The following TTN variants were observed in gnomAD, a reference collection of about 807,000 sequenced individuals.
The protein encoded by TTN is titin, also known as connectin.
TTN carries 1,525 observed loss-of-function variants against 3,223.0 expected under a neutral mutation model. The observed-to-expected ratio is 0.47, with a 90% CI of 0.45 to 0.49. The LOEUF (loss-of-function observed/expected upper bound fraction) is 0.49, where lower values mean the gene tolerates loss of function less well. TTN is among the 20% of genes least tolerant of loss of function. The pLI is 0.00. For missense variants in TTN, 40,786 were observed against 43,424.0 expected (o/e 0.94, Z 5.40); for synonymous variants, 14,094 against 15,161.0 (o/e 0.93, Z 5.17).
intron 41 of TTN, 59 bp downstream of exon 41, chr2:178,766,322 A>T: frequency 7.4e-7 from 1 of 1,344,140 alleles, no homozygotes; most frequent in Non-Finnish European, 1.1e-6. Context: ...TTAGTGACTT[A>T]AACAGGAGGA....
At chr2:178,690,379 G>T (rs1051239822) in intron 121 of TTN, among the ~76,000 whole-genome samples, 2 of 152,042 alleles carry the variant, frequency 1.3e-5, no homozygotes, top group Non-Finnish European at 2.9e-5. Flanking sequence ...CATTTTTGGG[G>T]GGTGTGCCTG....
chr2:178,730,036 C>T (rs562254227), intron 62 of TTN, 57 bp downstream of exon 62: 50 of 1,593,932 alleles, frequency 3.1e-5, no homozygotes, highest in South Asian at 2.2e-4. Flanking sequence ...CGCCCCGGCC[C>T]ACCCCAGGCA....
rs769659495 is a variant in TTN at position 178,729,066 on chromosome 2, G to A, written c.18972C>T (p.Thr6324=). Residue 6324 remains threonine, a synonymous_variant, in exon 65 of 363, where the codon ACC becomes ACT. Coordinates refer to ENST00000589042, the MANE Select transcript of TTN (RefSeq NM_001267550.2). Reference sequence around the variant, plus strand: ...CAAGAATCTGATCATCCTTTAGCCAGGTTATAGAAATAGGAGGAGAACCTG... The same window carrying A: ...CAAGAATCTGATCATCCTTTAGCCAAGTTATAGAAATAGGAGGAGAACCTG... ...TVAGSPPISI[T]WLKDDQILDE... 1 of 1,612,566 alleles carries A rather than the reference G, an allele frequency of 6.2e-7. No individual in the cohort carries two copies. The highest frequency in any genetic ancestry group is 1.3e-5 in the African/African-American group (1 of 74,880).
intron 79 of TTN, 84 bp downstream of exon 79, chr2:178,720,837 A>G: frequency 3.4e-6 from 5 of 1,461,344 alleles, no homozygotes; most frequent in Non-Finnish European, 4.5e-6. Flanking sequence ...AACCTTAATT[A>G]TCCTTTTATT....
Position 178,533,000 on chromosome 2 carries a change from G to A in TTN, c.103615C>T (p.Pro34539Ser). The change falls in exon 358 of 363, where the codon CCT becomes TCT. Residue 34539 changes from proline to serine, a missense_variant. By Grantham distance (74) the Pro-to-Ser change is moderately conservative (BLOSUM62 -1). Coordinates refer to ENST00000589042, the MANE Select transcript of TTN (RefSeq NM_001267550.2). The stretch of plus-strand genomic sequence containing the variant: ...TTGCGTGGCTCTGGTACATCATAAG[G>A]CATCCGGAGTTTTCTCTCCTCCTTC... Reference protein sequence around the residue: ...EKKEERKLRMPYDVPEPRKYK... With the variant: ...EKKEERKLRMSYDVPEPRKYK... The A allele has an allele frequency of 6.2e-7, 1 of 1,613,854 alleles. No homozygotes were observed. Among genetic ancestry groups the A allele is most frequent in the Non-Finnish European group, 8.5e-7 (1 of 1,179,844 alleles).
Position 178,636,893 on chromosome 2 carries a change from G to A in TTN, c.40928-94C>T, listed in dbSNP as rs1282619747. 7.3e-7 allele frequency: 1 copy of A among 1,377,472 alleles called. No individual in the cohort carries two copies. Among genetic ancestry groups the A allele is most frequent in the African/African-American group, 1.4e-5 (1 of 69,150 alleles). The allele number at this position is 1,377,472 out of a possible 1,614,324, so 85.3% of individuals were successfully genotyped here. On this transcript the variant is annotated intron_variant, in intron 224 of 362. Transcript: ENST00000589042. The surrounding 1 kb of genome is among the most constrained non-coding windows in gnomAD (Gnocchi z 4.3). ...CCTGCTGGATAAAACCAGCCGTAAA[G>A]CAATTAGAAGACGAGAAAACTAAAG...
chr2:178,687,216 G>A (rs534522860), intron 127 of TTN, among the ~76,000 whole-genome samples: 6 of 152,250 alleles, frequency 3.9e-5, no homozygotes, highest in Non-Finnish European at 7.3e-5. Context: ...TGGGGAGAGA[G>A]TTAGTTTGGT....
In TTN at chr2:178,664,488, G is replaced by T. The variant is rs1295183596; in HGVS notation, c.36252C>A (p.Pro12084=). Residue 12084 remains proline (P), a synonymous_variant, in exon 168 of 363, where the codon CCC becomes CCA. Coordinates refer to ENST00000589042, the MANE Select transcript of TTN (RefSeq NM_001267550.2). ...EVVPEKKVHP[P]QRAEVVPVKV... is the part of the protein sequence containing the mutation. ...TGACAGGTACAACTTCAGCCCTTTG[G>T]GGAGGATGCACTTTCTTTTCCGGGA... The T allele has an allele frequency of 6.2e-7, 1 of 1,612,234 alleles. No homozygotes were observed. The highest frequency in any genetic ancestry group is 8.5e-7 in the Non-Finnish European group (1 of 1,179,452).
Position 178,613,829 on chromosome 2 carries a change from T to C in TTN, c.49454A>G (p.Tyr16485Cys), listed in dbSNP as rs1273890104. The C allele has an allele frequency of 6.2e-7, 1 of 1,612,564 alleles. No individual in the cohort carries two copies. Among genetic ancestry groups the C allele is most frequent in the Non-Finnish European group, 8.5e-7 (1 of 1,179,070 alleles). Residue 16485 changes from tyrosine to cysteine, a missense_variant, in exon 263 of 363, where the codon TAC (tyrosine) becomes TGC (cysteine). By Grantham distance (194) the Tyr-to-Cys change is radical. Transcript: ENST00000589042. ...ATCAGGATCCAGTCTTTCAACCCAG[T>C]ATCCTGTGATTGGGCTGCCACCATC... The part of the protein sequence containing the change: ...DDDGGSPITG[Y>C]WVERLDPDTD...
chr2:178,680,200 AGGAATTCAAC>A, intron 139 of TTN, 44 bp downstream of exon 139: 1 of 1,598,900 alleles, frequency 6.3e-7, no homozygotes, highest in Non-Finnish European at 8.5e-7. Context: ...AGAACTGAAG[AGGAATTCAAC>A]AGCAAAAGAC....
In TTN at chr2:178,583,813, A is replaced by G. The variant is rs727503580; in HGVS notation, c.65369T>C (p.Ile21790Thr). 5.6e-6 allele frequency: 9 copies of G among 1,610,044 alleles called. No homozygotes were observed. The African/African-American group carries it at 6.7e-5, about 12-fold the overall frequency. Reference protein sequence around the residue: ...RPKHDGGSKIIGYFVEACKLP... With the variant: ...RPKHDGGSKITGYFVEACKLP... Reference sequence around the variant, plus strand: ...TTTGCAAGCTTCTACGAAATAGCCAATAATTTTACTGCCTCCATCATGCTT... The same window carrying G: ...TTTGCAAGCTTCTACGAAATAGCCAGTAATTTTACTGCCTCCATCATGCTT... The change falls in exon 312 of 363, where the codon ATT becomes ACT. Residue 21790 changes from isoleucine (I) to threonine (T), a missense_variant. Coordinates refer to ENST00000589042, the MANE Select transcript of TTN (RefSeq NM_001267550.2).
rs1473306273 is a variant in TTN at position 178,649,269 on chromosome 2, G to A, written c.40036C>T (p.Pro13346Ser). The A allele has an allele frequency of 1.3e-6, 2 of 1,499,594 alleles. No homozygotes were observed. Among genetic ancestry groups the A allele is most frequent in the Middle Eastern group, 1.7e-4 (1 of 5,788 alleles). 92.9% of individuals were successfully genotyped at this position (1,499,594 alleles called of 1,614,324 possible). A position where few individuals can be genotyped will look rare whatever the true frequency, so the allele number is the denominator to read the frequency against. ...GTACCTTTTTCTGGAAGAACTTCTG[G>A]TTTTTTGGTAACAGGCACAGGTTCT... ...KKEPVPVTKK[P>S]EVLPEKVPKV... is the part of the protein sequence containing the mutation. Residue 13346 changes from proline to serine, a missense_variant, in exon 213 of 363, where the codon CCA becomes TCA. By Grantham distance (74) the Pro-to-Ser change is moderately conservative. Transcript: ENST00000589042.
rs1559116130 is a variant in TTN at position 178,542,830 on chromosome 2, A to G, written c.97024T>C (p.Phe32342Leu). ...GATTCTCTCAGTTTAGAACCAGCAA[A>G]GAACCAGGAAGCAGCAGGAGGTGGA... The part of the protein sequence containing the change: ...GRPPPAASWF[F>L]AGSKLRESER... The change falls in exon 348 of 363, where the codon TTT (phenylalanine) becomes CTT (leucine). Residue 32342 changes from phenylalanine (F) to leucine (L), a missense_variant. By Grantham distance (22) the Phe-to-Leu change is conservative. Coordinates refer to ENST00000589042, the MANE Select transcript of TTN (RefSeq NM_001267550.2). 1.9e-6 allele frequency: 3 copies of G among 1,613,698 alleles called. No homozygotes were observed. Among genetic ancestry groups the G allele is most frequent in the Non-Finnish European group, 2.5e-6 (3 of 1,179,794 alleles).
Position 178,535,000 on chromosome 2 carries a change from T to C in TTN, c.101615A>G (p.His33872Arg). The C allele has an allele frequency of 6.2e-7, 1 of 1,613,864 alleles. No individual in the cohort carries two copies. Among genetic ancestry groups the C allele is most frequent in the Non-Finnish European group, 8.5e-7 (1 of 1,179,854 alleles). ...KEISILNIAR[H>R]RNILHLHESF... ...TTCATGGAGGTGTAAGATGTTTCTA[T>C]GCCTAGCAATATTCAGAATGGAAAT... Residue 33872 changes from histidine to arginine, a missense_variant, in exon 358 of 363, where the codon CAT becomes CGT. His to Arg is a conservative substitution (Grantham distance 29). Transcript: ENST00000589042.
intron 6 of TTN, among the ~76,000 whole-genome samples, chr2:178,797,929 T>C (rs1160986860): frequency 6.6e-6 from 1 of 152,136 alleles, no homozygotes; most frequent in Non-Finnish European, 1.5e-5. Flanking sequence ...CTGTAAATAG[T>C]GAGAGGCAGA....
In TTN at chr2:178,783,670, G is replaced by T. The variant is rs762563816; in HGVS notation, c.2841+50C>A. On this transcript the variant is annotated intron_variant, in intron 17 of 362. Transcript: ENST00000589042. Reference sequence around the variant, plus strand: ...GATCTTTGCAAACGTGTATTAAAATGATTTGAGGAGATATGAATAGGGTCC... The same window carrying T: ...GATCTTTGCAAACGTGTATTAAAATTATTTGAGGAGATATGAATAGGGTCC... The T allele has an allele frequency of 1.6e-5, 23 of 1,440,502 alleles. No homozygotes were observed. In the South Asian group the frequency reaches 2.5e-4, roughly 16 times the overall value. The allele number at this position is 1,440,502 out of a possible 1,614,324, so 89.2% of individuals were successfully genotyped here.
rs1310229986 is a variant in TTN at position 178,790,009 on chromosome 2, T to G, written c.1907A>C (p.Lys636Thr). The change falls in exon 12 of 363, where the codon AAA becomes ACA. Residue 636 changes from lysine to threonine, a missense_variant. Physicochemically the swap from Lys to Thr is moderately conservative, Grantham distance 78 (BLOSUM62 -1). Coordinates refer to ENST00000589042, the MANE Select transcript of TTN (RefSeq NM_001267550.2). ...VSRGREGITT[K>T]REQVQITQEK... ...CTGAGTTATTTGCACTTGTTCTCTT[T>G]TGGTAGTAATGCCTTCTCTACCTCT... 2 of 1,613,124 alleles carry G rather than the reference T, an allele frequency of 1.2e-6. No individual in the cohort carries two copies. Among genetic ancestry groups the G allele is most frequent in the Admixed American group, 3.3e-5 (2 of 60,000 alleles).
In TTN at chr2:178,550,276, A is replaced by G. The variant is rs746861696; in HGVS notation, c.91565-3T>C. On this transcript the variant is annotated splice_polypyrimidine_tract_variant and splice_region_variant and intron_variant, in intron 336 of 362. Coordinates refer to ENST00000589042, the MANE Select transcript of TTN (RefSeq NM_001267550.2). The stretch of plus-strand genomic sequence containing the variant: ...GCCAAACTCTACTATTGGTGGAACT[A>G]TAAAAGAAAGAGAAATACTATGTAT... The G allele has an allele frequency of 1.2e-6, 2 of 1,601,922 alleles. No individual in the cohort carries two copies. The highest frequency in any genetic ancestry group is 2.2e-5 in the East Asian group (1 of 44,738).
At chr2:178,610,614 C>T (rs946943281) in intron 270 of TTN, among the ~76,000 whole-genome samples, 3 of 151,952 alleles carry the variant, frequency 2.0e-5, no homozygotes, top group South Asian at 2.1e-4. Context: ...CCACAAATTT[C>T]CAGACATTAT....
Sources: allele counts gnomAD v4.1 joint callset (sites outside exome capture counted in the v4.1 genomes callset), GRCh38; gene constraint gnomAD v4.1.1; non-coding constraint Gnocchi (gnomAD v3.1); transcripts MANE v1.5; gene names NCBI Gene and HGNC (gene_info 2026-07-23, HGNC 2026-07-21).